Variants in DUXA observed in about 807,000 individuals in gnomAD.
The protein encoded by DUXA is double homeobox protein A.
A neutral mutation model predicts 27.5 loss-of-function variants in DUXA; 25 were observed. The observed-to-expected ratio is 0.91, with a 90% CI of 0.66 to 1.27. DUXA has a LOEUF of 1.27. Among genes scored for constraint, DUXA ranks in the 50% most tolerant of loss-of-function variants. The probability of loss-of-function intolerance (pLI) is 0.00; values close to 1 mark genes in which losing one functional copy is unlikely to be tolerated. For synonymous variants in DUXA, 90 were observed against 80.5 expected, an observed-to-expected ratio of 1.12 and a Z score of -0.63; for missense variants, 247 against 242.9, an observed-to-expected ratio of 1.02 and a Z score of -0.11.
intron 1 of DUXA, among the ~76,000 whole-genome samples, chr19:57,162,034 G>C (rs916483146): frequency 1.3e-5 from 2 of 152,066 alleles, no homozygotes; most frequent in Admixed American, 1.3e-4. Flanking sequence ...GGGACTACAG[G>C]TGCACACCCC....
intron 2 of DUXA, 100 bp from the exon 3 acceptor site, chr19:57,159,378 C>CAAT: frequency 1.9e-6 from 2 of 1,050,632 alleles, no homozygotes; most frequent in Non-Finnish European, 2.8e-6. Flanking sequence ...GGCCTAGGCC[C>CAAT]AGGATTATTA....
At chr19:57,156,126 A>G (rs1448239789) in intron 4 of DUXA, among the ~76,000 whole-genome samples, 3 of 152,136 alleles carry the variant, frequency 2.0e-5, no homozygotes, top group Non-Finnish European at 4.4e-5. Context: ...CTCTAAAGTG[A>G]CATGCTACAT....
chr19:57,162,477 T>A (rs1012913307), intron 1 of DUXA, among the ~76,000 whole-genome samples: 1 of 152,248 alleles, frequency 6.6e-6, no homozygotes, highest in Non-Finnish European at 1.5e-5. Flanking sequence ...TTACTAGAGA[T>A]GCTAGAAGTT....
intron 1 of DUXA, among the ~76,000 whole-genome samples, chr19:57,163,447 C>CTTTT (rs11463065): frequency 2.7e-5 from 4 of 148,826 alleles, no homozygotes; most frequent in African/African-American, 4.9e-5. Flanking sequence ...CATCCTCTCT[C>CTTTT]TTTTTTTTTT....
At chr19:57,154,906 A>T (rs1444111622) in intron 5 of DUXA, among the ~76,000 whole-genome samples, 1 of 152,202 alleles carries the variant, frequency 6.6e-6, no homozygotes, top group African/African-American at 2.4e-5. Context: ...CTCCTGGGAA[A>T]GCCATGCCCC....
chr19:57,166,366 A>AG (rs1454690352), intron 1 of DUXA, among the ~76,000 whole-genome samples: 1 of 152,170 alleles, frequency 6.6e-6, no homozygotes, highest in African/African-American at 2.4e-5. Context: ...GCTGAGGTAC[A>AG]TGGCATGATC....
chr19:57,165,667 T>C (rs2087050053), intron 1 of DUXA, among the ~76,000 whole-genome samples: 1 of 151,088 alleles, frequency 6.6e-6, no homozygotes, highest in Non-Finnish European at 1.5e-5. Context: ...TAGCCAGGCG[T>C]GGTGGCGGGC....
intron 4 of DUXA, among the ~76,000 whole-genome samples, chr19:57,157,213 G>GCA (rs2086997132): frequency 6.6e-6 from 1 of 152,078 alleles, no homozygotes; most frequent in Admixed American, 6.6e-5. Context: ...TGGTTTAAAC[G>GCA]CACACACACC....
intron 1 of DUXA, among the ~76,000 whole-genome samples, chr19:57,166,498 C>T (rs1490488609): frequency 1.3e-5 from 2 of 152,106 alleles, no homozygotes; most frequent in Non-Finnish European, 1.5e-5. Context: ...TTAGTAGAGA[C>T]AGGGTTTCAC....
Position 57,165,891 on chromosome 19 carries a change from T to C in DUXA, c.25+1528A>G, listed in dbSNP as rs148611837. Among the ~76,000 whole-genome samples, 4 of 151,292 alleles carry C rather than the reference T, an allele frequency of 2.6e-5. No homozygotes were observed. The East Asian group carries it at 7.8e-4, about 30-fold the overall frequency. On this transcript the variant is annotated intron_variant, in intron 1 of 5. Transcript: ENST00000554048. ...CCTTGATCTTTAAGGAGCTGAAAGA[T>C]ATCAAGCAAACAAGCAAAAGATGTA...
chr19:57,155,218 A>T (rs1211347638), intron 5 of DUXA, 49 bp downstream of exon 5: 1 of 1,548,570 alleles, frequency 6.5e-7, no homozygotes, highest in Non-Finnish European at 8.9e-7. Context: ...AGCACTGGAC[A>T]TCCAAGGGCT....
At chr19:57,159,972 G>C (rs1041458025) in intron 2 of DUXA, among the ~76,000 whole-genome samples, 1 of 152,044 alleles carries the variant, frequency 6.6e-6, no homozygotes, top group African/African-American at 2.4e-5. Context: ...GATCATGGCG[G>C]CAGGCGCCTG....
intron 4 of DUXA, among the ~76,000 whole-genome samples, chr19:57,155,714 G>T (rs2086990324): frequency 7.8e-6 from 1 of 128,068 alleles, no homozygotes; most frequent in Non-Finnish European, 1.7e-5. Flanking sequence ...GGTCACCCAG[G>T]CTGGAGTGCA....
chr19:57,158,395 G>T lies in DUXA; in HGVS notation c.371C>A (p.Pro124Gln), dbSNP rs755739295. ...HTLIKAFMKN[P>Q]YPGIDSREEL... ...TTCTCTGGAATCAATCCCAGGATAT[G>T]GGTTTTTCATAAATGCCTTGATGAG... Residue 124 changes from proline (P) to glutamine (Q), a missense_variant, in exon 4 of 6, where the codon CCA (proline) becomes CAA (glutamine). Physicochemically the swap from Pro to Gln is moderately conservative, Grantham distance 76 (BLOSUM62 -1). Coordinates refer to ENST00000554048, the MANE Select transcript of DUXA (RefSeq NM_001012729.2). The T allele has an allele frequency of 6.2e-7, 1 of 1,613,470 alleles. No homozygotes were observed. The highest frequency in any genetic ancestry group is 1.1e-5 in the South Asian group (1 of 91,028).
rs139988208 is a variant in DUXA at position 57,156,109 on chromosome 19, G to A, written c.439-737C>T. ...CACAGGTCCACCTCATTACAATACCGGTGTTTCTCTAAAGTGACATGCTAC... is the reference window on the plus strand; with the variant it reads ...CACAGGTCCACCTCATTACAATACCAGTGTTTCTCTAAAGTGACATGCTAC... On this transcript the variant is annotated intron_variant, in intron 4 of 5. Coordinates refer to ENST00000554048, the MANE Select transcript of DUXA (RefSeq NM_001012729.2). Among the ~76,000 whole-genome samples, 12 of 152,166 alleles carry A rather than the reference G, an allele frequency of 7.9e-5. No homozygotes were observed. In the East Asian group the frequency reaches 1.2e-3, roughly 15 times the overall value.
intron 5 of DUXA, 116 bp from the exon 6 acceptor site, chr19:57,154,598 T>G (rs145678714): frequency 2.5e-6 from 2 of 792,172 alleles, no homozygotes; most frequent in South Asian, 1.7e-5. Flanking sequence ...GAGTCTCACT[T>G]TGTCGCCCAG....
At chr19:57,166,310 TATGTATG>T (rs1448749342) in intron 1 of DUXA, among the ~76,000 whole-genome samples, 28 of 152,258 alleles carry the variant, frequency 1.8e-4, no homozygotes, top group African/African-American at 6.7e-4. Context: ...TTTATGTATG[TATGTATG>T]TATGTATTTT....
At position 57,159,409 on chromosome 19, in the gene DUXA, C is replaced by T. The variant is rs957540599; in HGVS notation, c.181-131G>A. 3.6e-6 allele frequency: 3 copies of T among 830,934 alleles called. No homozygotes were observed. In the African/African-American group the frequency reaches 5.2e-5, roughly 14 times the overall value. 51.5% of individuals were successfully genotyped at this position (830,934 alleles called of 1,614,324 possible). A position where few individuals can be genotyped will look rare whatever the true frequency, so the allele number is the denominator to read the frequency against. ...TATTACTTACTTCTGTCACATTCTACCAAGTCCTTTTTTTTCTTTTTTGAG... is the reference window on the plus strand; with the variant it reads ...TATTACTTACTTCTGTCACATTCTATCAAGTCCTTTTTTTTCTTTTTTGAG... On this transcript the variant is annotated intron_variant, in intron 2 of 5. Transcript: ENST00000554048.
intron 4 of DUXA, among the ~76,000 whole-genome samples, chr19:57,155,670 T>TAGATAGATAGATAGATAGAC (rs2086989982): frequency 6.6e-6 from 1 of 151,682 alleles, no homozygotes; most frequent in South Asian, 2.1e-4. Context: ...GATAGATAGA[T>TAGATAGATAGATAGATAGAC]AGATACTTTT....
Sources: allele counts gnomAD v4.1 joint callset (sites outside exome capture counted in the v4.1 genomes callset), GRCh38; gene constraint gnomAD v4.1.1; transcripts MANE v1.5; gene names NCBI Gene and HGNC (gene_info 2026-07-23, HGNC 2026-07-21).